GIP: variants seen among roughly 807,000 people sequenced by gnomAD.
The protein encoded by GIP is glucose-dependent insulinotropic polypeptide.
In GIP, 16 loss-of-function variants were observed where a neutral mutation model predicts 18.1. That is an observed-to-expected ratio of 0.88 (90% CI 0.60 to 1.34). GIP has a LOEUF of 1.34. Among genes scored for constraint, GIP ranks in the 40% most tolerant of loss-of-function variants. The pLI is 0.00. For synonymous variants in GIP, 76 were observed against 74.0 expected (o/e 1.03, Z -0.14); for missense variants, 192 against 183.4 (o/e 1.05, Z -0.27).
At chr17:48,959,763 A>G in intron 5 of GIP, among the ~76,000 whole-genome samples, 1 of 143,392 alleles carries the variant, frequency 7.0e-6, no homozygotes, top group Non-Finnish European at 1.5e-5. Context: ...GTGTGTAGGG[A>G]CAGGCAGGAC....
chr17:48,961,877 T>G, intron 3 of GIP, 58 bp from the exon 4 acceptor site: 1 of 1,223,320 alleles, frequency 8.2e-7, no homozygotes, highest in Non-Finnish European at 1.2e-6. Context: ...CTAGGGACAC[T>G]TGAATCTTTT....
intron 3 of GIP, among the ~76,000 whole-genome samples, chr17:48,962,886 C>T (rs1331827552): frequency 6.6e-6 from 1 of 150,844 alleles, no homozygotes; most frequent in Non-Finnish European, 1.5e-5. Context: ...GGGCAGATCA[C>T]GAGGTCAGGA....
chr17:48,959,427 A>G (rs923167799), intron 5 of GIP, among the ~76,000 whole-genome samples: 3 of 152,008 alleles, frequency 2.0e-5, no homozygotes, highest in African/African-American at 4.8e-5. Context: ...CCTGTCCCAG[A>G]TTTGCTCCCT....
intron 3 of GIP, among the ~76,000 whole-genome samples, chr17:48,963,385 A>T (rs1246043211): frequency 1.3e-5 from 2 of 151,510 alleles, no homozygotes; most frequent in Non-Finnish European, 2.9e-5. Context: ...GGCCAGGCGC[A>T]GTGGCTTATG....
chr17:48,961,055 T>C, intron 4 of GIP, 68 bp from the exon 5 acceptor site: 8 of 1,082,260 alleles, frequency 7.4e-6, no homozygotes, highest in Non-Finnish European at 1.1e-5. Flanking sequence ...AAACACAGGG[T>C]TGGGGACACC....
At chr17:48,959,484 TTCCGTG>T (rs2041187597) in intron 5 of GIP, among the ~76,000 whole-genome samples, 1 of 152,128 alleles carries the variant, frequency 6.6e-6, no homozygotes, top group South Asian at 2.1e-4. Flanking sequence ...GTGTTTTGGT[TTCCGTG>T]CCTCTGTGTC....
chr17:48,962,976 G>A (rs186141576), intron 3 of GIP, among the ~76,000 whole-genome samples: 8 of 151,968 alleles, frequency 5.3e-5, no homozygotes, highest in Admixed American at 3.3e-4. Context: ...GCATGGTGGC[G>A]GGCACCTGTA....
chr17:48,964,197 C>A, intron 3 of GIP, 113 bp downstream of exon 3: 1 of 652,188 alleles, frequency 1.5e-6, no homozygotes, highest in Non-Finnish European at 2.6e-6. Context: ...AAGAAAGGTG[C>A]CACCTGGGGT....
intron 2 of GIP, among the ~76,000 whole-genome samples, chr17:48,966,756 C>T (rs576131005): frequency 3.9e-4 from 59 of 150,058 alleles, no homozygotes; most frequent in Middle Eastern, 3.5e-3. Context: ...CAGTGAGCTG[C>T]GATCACGCCA....
chr17:48,966,512 G>A (rs2041236774), intron 2 of GIP, among the ~76,000 whole-genome samples: 1 of 151,388 alleles, frequency 6.6e-6, no homozygotes, highest in Non-Finnish European at 1.5e-5. Flanking sequence ...AGCCGAGATT[G>A]TGCCACCACA....
chr17:48,961,965 A>G (rs1951283093), intron 3 of GIP, 146 bp from the exon 4 acceptor site: 3 of 646,962 alleles, frequency 4.6e-6, no homozygotes, highest in Non-Finnish European at 8.3e-6. Flanking sequence ...TGCCTCCACC[A>G]GTGAACAGCT....
intron 1 of GIP, 137 bp from the exon 2 acceptor site, chr17:48,967,390 C>T (rs1451142312): frequency 3.9e-5 from 22 of 567,928 alleles, no homozygotes; most frequent in South Asian, 1.4e-4. Flanking sequence ...GATGGAGTCT[C>T]GCTCTGTCGT....
At chr17:48,961,905 A>G (rs765430914) in intron 3 of GIP, 86 bp from the exon 4 acceptor site, 2 of 910,400 alleles carry the variant, frequency 2.2e-6, no homozygotes, top group Non-Finnish European at 1.7e-6. Context: ...GAACCCCAAA[A>G]GCAGAGGGTA....
intron 1 of GIP, 115 bp downstream of exon 1, chr17:48,968,402 C>T (rs920810732): frequency 6.6e-6 from 1 of 152,156 alleles, no homozygotes; most frequent in Non-Finnish European, 1.5e-5. Flanking sequence ...TATCTTCTCA[C>T]ATCTCATATA....
At chr17:48,961,860 C>T (rs2041202539) in intron 3 of GIP, 41 bp from the exon 4 acceptor site, 2 of 1,406,048 alleles carry the variant, frequency 1.4e-6, no homozygotes, top group Non-Finnish European at 2.0e-6. Flanking sequence ...GCTGCGGAGA[C>T]TCCAGTCTAG....
At position 48,967,153 on chromosome 17, in the gene GIP, T is replaced by A; in HGVS notation, c.80A>T (p.His27Leu). ...TTCCTCTCACCACTCCTACCTGAAG[T>A]GACCCTCTTTCTTCTCTCCTAGTCC... is the stretch of plus-strand genomic sequence containing the variant. ...AVGLGEKKEGHFSALPSLPVG... is the reference protein window; with the variant it reads ...AVGLGEKKEGLFSALPSLPVG... Residue 27 changes from histidine to leucine, a missense_variant, in exon 2 of 6, where the codon CAC becomes CTC. Physicochemically the swap from His to Leu is moderately conservative, Grantham distance 99. Coordinates refer to ENST00000357424, the MANE Select transcript of GIP (RefSeq NM_004123.3). 1.2e-6 allele frequency: 2 copies of A among 1,611,418 alleles called. No homozygotes were observed. Among genetic ancestry groups the A allele is most frequent in the Non-Finnish European group, 1.7e-6 (2 of 1,177,636 alleles).
intron 2 of GIP, 55 bp downstream of exon 2, chr17:48,967,092 C>A (rs1041459204): frequency 4.6e-6 from 6 of 1,297,864 alleles, no homozygotes; most frequent in Admixed American, 3.4e-5. Flanking sequence ...AAATCCAGAA[C>A]CTGTCATCCC....
intron 5 of GIP, among the ~76,000 whole-genome samples, chr17:48,959,532 G>T (rs2041187920): frequency 6.6e-6 from 1 of 152,028 alleles, no homozygotes; most frequent in Non-Finnish European, 1.5e-5. Context: ...CACCCTTTAG[G>T]TGGACAGGTG....
chr17:48,960,790 A>G lies in GIP; in HGVS notation c.452+96T>C, dbSNP rs2041196280. The G allele has an allele frequency of 5.3e-6, 4 of 754,000 alleles. No individual in the cohort carries two copies. In the Admixed American group the frequency reaches 8.1e-5, roughly 15 times the overall value. The allele number at this position is 754,000 out of a possible 1,614,324, so 46.7% of individuals were successfully genotyped here. A position where few individuals can be genotyped will look rare whatever the true frequency, so the allele number is the denominator to read the frequency against. On this transcript the variant is annotated intron_variant, in intron 5 of 5. Transcript: ENST00000357424. ...GAAAACACTGAGGTTCAGAAAGGCT[A>G]TGTAATCAGCCAGCATGTGGAGGGG...
Sources: allele counts gnomAD v4.1 joint callset (sites outside exome capture counted in the v4.1 genomes callset), GRCh38; gene constraint gnomAD v4.1.1; transcripts MANE v1.5; gene names NCBI Gene and HGNC (gene_info 2026-07-23, HGNC 2026-07-21).